BRAP: variants seen among roughly 807,000 people sequenced by gnomAD.
The protein encoded by BRAP is BRCA1-associated protein.
In BRAP, 42 loss-of-function variants were observed where a neutral mutation model predicts 73.4. The observed-to-expected ratio is 0.57, with a 90% CI of 0.45 to 0.74. The LOEUF (loss-of-function observed/expected upper bound fraction) is 0.74. BRAP is among the 30% of genes least tolerant of loss of function. The pLI is 0.00. For synonymous variants in BRAP, 255 were observed against 267.4 expected (o/e 0.95, Z 0.45); for missense variants, 593 against 751.4 (o/e 0.79, Z 2.46).
At chr12:111,685,342 G>A (rs1210476914) in intron 1 of BRAP, among the ~76,000 whole-genome samples, 1 of 152,236 alleles carries the variant, frequency 6.6e-6, no homozygotes. Context: ...CGTTCCAAAA[G>A]GGAACAATTT....
intron 1 of BRAP, among the ~76,000 whole-genome samples, chr12:111,683,937 CT>C (rs1593002889): frequency 6.6e-6 from 1 of 151,946 alleles, no homozygotes; most frequent in East Asian, 1.9e-4. Context: ...TTAGTAACAC[CT>C]GATAAAATGA....
In BRAP at chr12:111,661,713, G is replaced by GTT. The variant is rs746875251; in HGVS notation, c.897-1040_897-1039dup. Among the ~76,000 whole-genome samples the GTT allele has an allele frequency of 7.2e-4, 102 of 141,716 alleles. 2 individuals carry two copies. Among genetic ancestry groups the GTT allele is most frequent in the Middle Eastern group, 7.2e-3 (2 of 278 alleles). The allele number at this position is 141,716 out of a possible 152,430, so 93.0% of individuals were successfully genotyped here. On this transcript the variant is annotated intron_variant, in intron 6 of 11. Coordinates refer to ENST00000419234, the MANE Select transcript of BRAP (RefSeq NM_006768.5). ...TTAAAATCTGTAGTAAAAAAAAAAG[G>GTT]TTTTTTTTTTTTTTGTGAGACAGAG...
Position 111,659,228 on chromosome 12 carries a change from G to A in BRAP, c.1090C>T (p.Arg364Ter), listed in dbSNP as rs143762858. The A allele has an allele frequency of 4.3e-6, 7 of 1,614,054 alleles. No homozygotes were observed. Among genetic ancestry groups the A allele is most frequent in the East Asian group, 2.2e-5 (1 of 44,878 alleles). ...TCACCTCCAGCATAGTCCCAGACTCGATGGTTGGTAAGCTGCATGGCATAC... is the reference window on the plus strand; with the variant it reads ...TCACCTCCAGCATAGTCCCAGACTCAATGGTTGGTAAGCTGCATGGCATAC... ...HTYAMQLTNH[R>*]VWDYAGDNYV... Residue 364 changes from arginine (R) to a stop codon, truncating the protein, a stop_gained, in exon 8 of 12, where the codon CGA becomes TGA. Transcript: ENST00000419234. LOFTEE classifies it high-confidence loss of function.
At chr12:111,679,671 C>T (rs1007318175) in intron 3 of BRAP, among the ~76,000 whole-genome samples, 7 of 151,696 alleles carry the variant, frequency 4.6e-5, no homozygotes, top group Admixed American at 6.6e-5. Context: ...GTCAGGAGAT[C>T]GAGACCATCC....
chr12:111,671,095 T>A (rs1044680299), intron 5 of BRAP, among the ~76,000 whole-genome samples: 1 of 139,178 alleles, frequency 7.2e-6, no homozygotes, highest in Non-Finnish European at 1.5e-5. Flanking sequence ...GTGAGACTCA[T>A]GTCTCCAAAA....
At chr12:111,671,568 A>C (rs1592989791) in intron 5 of BRAP, among the ~76,000 whole-genome samples, 1 of 151,710 alleles carries the variant, frequency 6.6e-6, no homozygotes, top group African/African-American at 2.4e-5. Context: ...AACAAAACGG[A>C]ATCAAGAGGC....
chr12:111,649,614 T>G (rs558744216), intron 11 of BRAP, among the ~76,000 whole-genome samples: 1 of 152,352 alleles, frequency 6.6e-6, no homozygotes, highest in East Asian at 1.9e-4. Context: ...CACAGTCTCG[T>G]TCCTAACTGC....
chr12:111,670,480 C>A (rs900536780), intron 5 of BRAP: 1 of 234,370 alleles, frequency 4.3e-6, no homozygotes, highest in Non-Finnish European at 8.4e-6. Flanking sequence ...AAAAGACCTT[C>A]AGGTCTACTT....
intron 5 of BRAP, among the ~76,000 whole-genome samples, chr12:111,671,264 T>C (rs996198521): frequency 6.6e-6 from 1 of 151,484 alleles, no homozygotes; most frequent in Non-Finnish European, 1.5e-5. Context: ...CAAAACAGAA[T>C]CAACGCCATG....
intron 4 of BRAP, among the ~76,000 whole-genome samples, chr12:111,675,253 C>T (rs1380423672): frequency 6.6e-6 from 1 of 151,200 alleles, no homozygotes; most frequent in African/African-American, 2.4e-5. Flanking sequence ...AGAGTGAGAC[C>T]TTGTCTCCAA....
At chr12:111,657,580 A>G (rs1416978419) in intron 9 of BRAP, among the ~76,000 whole-genome samples, 4 of 152,114 alleles carry the variant, frequency 2.6e-5, no homozygotes, top group Non-Finnish European at 4.4e-5. Flanking sequence ...TTTGAAATTT[A>G]TATAAAACAT....
Position 111,643,350 on chromosome 12 carries a change from G to A in BRAP, c.*849C>T, listed in dbSNP as rs1285746696. 1.3e-5 allele frequency: 2 copies of A among 152,144 alleles called. No homozygotes were observed. The highest frequency in any genetic ancestry group is 2.9e-5 in the Non-Finnish European group (2 of 68,038). The allele number at this position is 152,144 out of a possible 1,614,324, so 9.4% of individuals were successfully genotyped here. A position where few individuals can be genotyped will look rare whatever the true frequency, so the allele number is the denominator to read the frequency against. On this transcript the variant is annotated 3_prime_UTR_variant, in exon 12 of 12. Transcript: ENST00000419234. ...ACCCAACAAAATACACAATTAGCTA[G>A]TCAGAGGCCTCACTCTACATTTTCA...
chr12:111,683,122 A>T lies in BRAP; in HGVS notation c.244+24T>A, dbSNP rs763646150. ...AACCAGTGTTCACATTACAAAAGAG[A>T]GTCCAGGGTTTTAGAAAGCATACCT... On this transcript the variant is annotated intron_variant, in intron 2 of 11. Coordinates refer to ENST00000419234, the MANE Select transcript of BRAP (RefSeq NM_006768.5). 2.5e-6 allele frequency: 4 copies of T among 1,602,076 alleles called. No individual in the cohort carries two copies. In the East Asian group the frequency reaches 8.9e-5, roughly 36 times the overall value.
intron 5 of BRAP, among the ~76,000 whole-genome samples, chr12:111,669,148 G>A (rs368248196): frequency 2.6e-5 from 4 of 152,084 alleles, no homozygotes; most frequent in Non-Finnish European, 5.9e-5. Context: ...CTGTTCCTGG[G>A]AGCCAGACAA....
At chr12:111,662,352 A>G (rs894737447) in intron 6 of BRAP, among the ~76,000 whole-genome samples, 1 of 151,916 alleles carries the variant, frequency 6.6e-6, no homozygotes, top group Non-Finnish European at 1.5e-5. Context: ...GGAGTTTAAG[A>G]CCAGCTTGAC....
Position 111,679,183 on chromosome 12 carries a change from G to C in BRAP, c.601C>G (p.Gln201Glu). 5 of 1,592,856 alleles carry C rather than the reference G, an allele frequency of 3.1e-6. No homozygotes were observed. The South Asian group carries it at 5.8e-5, about 18-fold the overall frequency. Reference sequence around the variant, plus strand: ...CGAAACTTTATCAGCACCATATATTGGTTGGGAGTAGAGTCTCTGATAATT... The same window carrying C: ...CGAAACTTTATCAGCACCATATATTCGTTGGGAGTAGAGTCTCTGATAATT... ...MKIIRDSTPN[Q>E]YMVLIKFRAQ... Residue 201 changes from glutamine to glutamate, a missense_variant, in exon 4 of 12, where the codon CAA becomes GAA. Transcript: ENST00000419234.
At chr12:111,668,709 T>C (rs1301922649) in intron 5 of BRAP, among the ~76,000 whole-genome samples, 5 of 151,566 alleles carry the variant, frequency 3.3e-5, no homozygotes, top group Non-Finnish European at 5.9e-5. Context: ...CAGGCTGGAG[T>C]GCAGTGGCAC....
intron 2 of BRAP, among the ~76,000 whole-genome samples, chr12:111,682,484 A>G (rs1887639540): frequency 6.8e-6 from 1 of 146,346 alleles, no homozygotes; most frequent in African/African-American, 2.6e-5. Context: ...CTGGGGACAA[A>G]GTGAGACTGT....
chr12:111,650,051 G>A lies in BRAP; in HGVS notation c.1312-9C>T. 6.5e-7 allele frequency: 1 copy of A among 1,546,704 alleles called. No individual in the cohort carries two copies. The highest frequency in any genetic ancestry group is 8.9e-7 in the Non-Finnish European group (1 of 1,120,640). On this transcript the variant is annotated splice_polypyrimidine_tract_variant and intron_variant, in intron 10 of 11. Transcript: ENST00000419234. ...GTCTTCATGTTGTTAATCTGAAAGAGCAAAGAGAAATCAGATTCATTTCAC... is the reference window on the plus strand; with the variant it reads ...GTCTTCATGTTGTTAATCTGAAAGAACAAAGAGAAATCAGATTCATTTCAC...
Sources: gnomAD v4.1 joint callset for allele counts (sites outside exome capture counted in the v4.1 genomes callset) on GRCh38, gnomAD v4.1.1 for gene constraint, MANE v1.5 for transcripts, NCBI Gene and HGNC (gene_info 2026-07-23, HGNC 2026-07-21) for gene names.